ADAMTS3: variants seen among roughly 807,000 people sequenced by gnomAD.
ADAMTS3 encodes ADAM metallopeptidase with thrombospondin type 1 motif 3, also known as A disintegrin and metalloproteinase with thrombospondin motifs 3.
Under a neutral mutation model 129.0 loss-of-function variants are expected in ADAMTS3, and 73 were observed. That is an observed-to-expected ratio of 0.57 (90% CI 0.47 to 0.69). ADAMTS3 has a LOEUF of 0.69. Among genes scored for constraint, ADAMTS3 ranks in the 30% least tolerant of loss-of-function variants. The pLI is 0.00. For synonymous variants in ADAMTS3, 477 were observed against 510.8 expected (o/e 0.93, Z 0.89); for missense variants, 1,457 against 1,514.5 (o/e 0.96, Z 0.63).
At chr4:72,568,258 C>T (rs1465273750) in intron 1 of ADAMTS3, among the ~76,000 whole-genome samples, 1 of 152,114 alleles carries the variant, frequency 6.6e-6, no homozygotes, top group Non-Finnish European at 1.5e-5. Context: ...TGAGTCAGTT[C>T]GGAGGAGAGA....
intron 4 of ADAMTS3, among the ~76,000 whole-genome samples, chr4:72,361,442 A>G (rs1001748284): frequency 2.6e-5 from 4 of 152,200 alleles, no homozygotes; most frequent in Non-Finnish European, 5.9e-5. Flanking sequence ...ATTCTTAAAT[A>G]AGAAAGACAG....
intron 3 of ADAMTS3, among the ~76,000 whole-genome samples, chr4:72,465,170 G>C (rs1198865498): frequency 6.6e-6 from 1 of 152,022 alleles, no homozygotes; most frequent in Non-Finnish European, 1.5e-5. Context: ...GCAGGTATCA[G>C]AGGAACCATT....
rs932539325 is a variant in ADAMTS3, at chr4:72,322,943, T to C, written c.945+71A>G. 56 of 1,225,684 alleles carry C rather than the reference T, an allele frequency of 4.6e-5. No homozygotes were observed. The East Asian group carries it at 1.3e-3, about 29-fold the overall frequency. The allele number at this position is 1,225,684 out of a possible 1,614,324, so 75.9% of individuals were successfully genotyped here. ...ATCTATGCCTTAAGTTAGATGTAGC[T>C]TGAACAATTTAGTCTTCTATTTGCT... On this transcript the variant is annotated intron_variant, in intron 6 of 21. Transcript: ENST00000286657.
At chr4:72,362,521 C>T (rs1043806830) in intron 4 of ADAMTS3, among the ~76,000 whole-genome samples, 3 of 152,054 alleles carry the variant, frequency 2.0e-5, no homozygotes, top group Non-Finnish European at 4.4e-5. Flanking sequence ...AGGGACATTT[C>T]CATTTTCTTT....
At chr4:72,319,236 T>A in intron 9 of ADAMTS3, 96 bp downstream of exon 9, 2 of 1,444,904 alleles carry the variant, frequency 1.4e-6, no homozygotes, top group South Asian at 2.5e-5. Flanking sequence ...TAGTTTTCAT[T>A]TACTGGGAAT....
chr4:72,436,470 T>C (rs541438200), intron 3 of ADAMTS3, among the ~76,000 whole-genome samples: 2 of 152,214 alleles, frequency 1.3e-5, no homozygotes, highest in Admixed American at 1.3e-4. Context: ...GATCTAGAAC[T>C]AGAAATACCA....
chr4:72,453,078 T>C (rs1718452032), intron 3 of ADAMTS3, among the ~76,000 whole-genome samples: 1 of 151,806 alleles, frequency 6.6e-6, no homozygotes, highest in South Asian at 2.1e-4. Flanking sequence ...AGAAACCTGA[T>C]TGCTTAAACA....
At chr4:72,526,578 G>GTGTGTC (rs1720813537) in intron 3 of ADAMTS3, among the ~76,000 whole-genome samples, 1 of 147,214 alleles carries the variant, frequency 6.8e-6, no homozygotes, top group South Asian at 2.1e-4. Context: ...TTATGTGTGT[G>GTGTGTC]TGTGTGTGTG....
At chr4:72,361,374 G>T (rs1720723402) in intron 4 of ADAMTS3, among the ~76,000 whole-genome samples, 2 of 151,958 alleles carry the variant, frequency 1.3e-5, no homozygotes, top group South Asian at 4.1e-4. Context: ...TACAAAACAT[G>T]GAAGAAGATA....
In ADAMTS3 at chr4:72,476,401, T is replaced by G. The variant is rs565038149; in HGVS notation, c.505-61430A>C. On this transcript the variant is annotated intron_variant, in intron 3 of 21. Coordinates refer to ENST00000286657, the MANE Select transcript of ADAMTS3 (RefSeq NM_014243.3). ...AACTACTTCCCCAAAAAACATAAAC[T>G]ACCACAACTCATCTAACATGAAATA... is the stretch of plus-strand genomic sequence containing the variant. Among the ~76,000 whole-genome samples, 306 of 152,116 alleles carry G rather than the reference T, an allele frequency of 2.0e-3. 1 individual carries two copies. The highest frequency in any genetic ancestry group is 6.9e-3 in the African/African-American group (288 of 41,532).
intron 4 of ADAMTS3, among the ~76,000 whole-genome samples, chr4:72,409,487 A>T (rs1354519207): frequency 6.6e-6 from 1 of 152,206 alleles, no homozygotes; most frequent in Non-Finnish European, 1.5e-5. Context: ...TTAATGCAAG[A>T]TCAAGAACTA....
chr4:72,377,048 T>C (rs1177198509), intron 4 of ADAMTS3, among the ~76,000 whole-genome samples: 1 of 152,152 alleles, frequency 6.6e-6, no homozygotes, highest in Non-Finnish European at 1.5e-5. Context: ...CCTTACCAGA[T>C]GTTAAAATAC....
intron 4 of ADAMTS3, among the ~76,000 whole-genome samples, chr4:72,364,296 G>C (rs990876473): frequency 6.6e-6 from 1 of 152,118 alleles, no homozygotes; most frequent in African/African-American, 2.4e-5. Flanking sequence ...CTTTTCCAAA[G>C]ATTTTAAAGA....
chr4:72,376,994 G>C (rs1366187091), intron 4 of ADAMTS3, among the ~76,000 whole-genome samples: 1 of 152,164 alleles, frequency 6.6e-6, no homozygotes, highest in Non-Finnish European at 1.5e-5. Context: ...CTGAAAAAGA[G>C]AGAGAATAAC....
chr4:72,469,813 C>G (rs1719016322), intron 3 of ADAMTS3, among the ~76,000 whole-genome samples: 1 of 152,154 alleles, frequency 6.6e-6, no homozygotes, highest in Non-Finnish European at 1.5e-5. Context: ...TACATTTTCC[C>G]TTCCTTATGA....
chr4:72,357,642 T>C (rs984534275), intron 4 of ADAMTS3, among the ~76,000 whole-genome samples: 1 of 151,872 alleles, frequency 6.6e-6, no homozygotes, highest in African/African-American at 2.4e-5. Flanking sequence ...CAACACTAGG[T>C]TGATAGAACT....
intron 4 of ADAMTS3, among the ~76,000 whole-genome samples, chr4:72,381,579 G>A (rs1017431739): frequency 1.3e-5 from 2 of 151,938 alleles, no homozygotes; most frequent in African/African-American, 4.8e-5. Flanking sequence ...TGTGATCCTG[G>A]GAGTTCCTTT....
At chr4:72,525,377 T>C (rs1315006300) in intron 3 of ADAMTS3, among the ~76,000 whole-genome samples, 1 of 152,054 alleles carries the variant, frequency 6.6e-6, no homozygotes, top group African/African-American at 2.4e-5. Flanking sequence ...AGCTAAAAAA[T>C]AAGATAAAAT....
At chr4:72,441,325 CTTT>C (rs1401873133) in intron 3 of ADAMTS3, among the ~76,000 whole-genome samples, 1 of 151,782 alleles carries the variant, frequency 6.6e-6, no homozygotes, top group East Asian at 2.0e-4. Context: ...TGTACATCTT[CTTT>C]TGTGAGATGT....
Sources: allele counts gnomAD v4.1 joint callset (sites outside exome capture counted in the v4.1 genomes callset), GRCh38; gene constraint gnomAD v4.1.1; transcripts MANE v1.5; gene names NCBI Gene and HGNC (gene_info 2026-07-23, HGNC 2026-07-21).